Variants in CLSTN1 observed in about 807,000 individuals in gnomAD.
The protein encoded by CLSTN1 is calsyntenin 1.
A neutral mutation model predicts 108.3 loss-of-function variants in CLSTN1; 28 were observed. That is an observed-to-expected ratio of 0.26 (90% confidence interval 0.19 to 0.35). The LOEUF (loss-of-function observed/expected upper bound fraction) is 0.35. CLSTN1 is among the 10% of genes least tolerant of loss of function. The probability of loss-of-function intolerance (pLI) is 1.00; values close to 1 mark genes in which losing one functional copy is unlikely to be tolerated. For missense variants in CLSTN1, 1,157 were observed against 1,302.6 expected, an observed-to-expected ratio of 0.89 and a Z score of 1.72; for synonymous variants, 524 against 534.9, an observed-to-expected ratio of 0.98 and a Z score of 0.28.
intron 7 of CLSTN1, among the ~76,000 whole-genome samples, chr1:9,749,094 G>A (rs1396243146): frequency 6.6e-6 from 1 of 151,504 alleles, no homozygotes; most frequent in Admixed American, 6.6e-5. Flanking sequence ...TGTAGAGATG[G>A]GGTATCGCTG....
At chr1:9,797,547 G>A (rs544472388) in intron 1 of CLSTN1, among the ~76,000 whole-genome samples, 18 of 152,146 alleles carry the variant, frequency 1.2e-4, no homozygotes, top group East Asian at 5.8e-4. Context: ...AGGCTCAGGC[G>A]GGAGGATCAT....
intron 1 of CLSTN1, among the ~76,000 whole-genome samples, chr1:9,780,553 T>A (rs1653192844): frequency 6.6e-6 from 1 of 152,238 alleles, no homozygotes; most frequent in African/African-American, 2.4e-5. Flanking sequence ...AAATCGCTCT[T>A]AAGCTGGCAG....
chr1:9,734,114 G>T lies in CLSTN1; in HGVS notation c.2139C>A (p.Ile713=). ...TVQESLVSEE[I]VHDLDTCEVT... ...CCTCACAGGTATCCAGGTCGTGCAC[G>T]ATCTCCTCGGACACCAGTGATTCTT... The change falls in exon 15 of 19, where the codon ATC becomes ATA. Residue 713 remains isoleucine, a synonymous_variant. Coordinates refer to ENST00000377298, the MANE Select transcript of CLSTN1 (RefSeq NM_001009566.3). The surrounding 1 kb of genome is among the most constrained non-coding windows in gnomAD (Gnocchi z 4.8). 1 of 1,614,088 alleles carries T rather than the reference G, an allele frequency of 6.2e-7. No individual in the cohort carries two copies. Among genetic ancestry groups the T allele is most frequent in the Non-Finnish European group, 8.5e-7 (1 of 1,179,994 alleles).
chr1:9,791,097 G>A (rs1474597331), intron 1 of CLSTN1, among the ~76,000 whole-genome samples: 5 of 141,026 alleles, frequency 3.5e-5, no homozygotes, highest in African/African-American at 1.3e-4. Flanking sequence ...AGCCGAGATC[G>A]CACCACTGCA....
At chr1:9,785,920 A>T (rs914459299) in intron 1 of CLSTN1, among the ~76,000 whole-genome samples, 2 of 152,118 alleles carry the variant, frequency 1.3e-5, no homozygotes, top group Non-Finnish European at 2.9e-5. Flanking sequence ...TCATGCCTGT[A>T]ATCCCAGCAA....
At chr1:9,733,939 G>C (rs775306893) in intron 15 of CLSTN1, 33 bp downstream of exon 15, 6 of 1,583,452 alleles carry the variant, frequency 3.8e-6, no homozygotes, top group South Asian at 2.3e-5. Flanking sequence ...CTTGCAGCCT[G>C]GCCCACCTGC....
Position 9,751,747 on chromosome 1 carries a change from G to GT in CLSTN1, c.441-67dup, listed in dbSNP as rs1232330443. The GT allele has an allele frequency of 2.9e-6, 4 of 1,403,040 alleles. No individual in the cohort carries two copies. The East Asian group carries it at 9.2e-5, about 32-fold the overall frequency. The allele number at this position is 1,403,040 out of a possible 1,614,324, so 86.9% of individuals were successfully genotyped here. ...TCAGTGTGAGAGAGAGACAGAGAGT[G>GT]TGTATGTGTGTTTACCCAATTCTGC... On this transcript the variant is annotated intron_variant, in intron 4 of 18. Transcript: ENST00000377298.
At chr1:9,769,855 C>T (rs1340879573) in intron 2 of CLSTN1, among the ~76,000 whole-genome samples, 1 of 151,708 alleles carries the variant, frequency 6.6e-6, no homozygotes, top group Non-Finnish European at 1.5e-5. Flanking sequence ...ACGGTGAAAC[C>T]CCATCTCTAC....
intron 1 of CLSTN1, among the ~76,000 whole-genome samples, chr1:9,787,011 C>A (rs1653526890): frequency 6.6e-6 from 1 of 151,304 alleles, no homozygotes. Flanking sequence ...CCAGGAGAGT[C>A]CCAAGAACGA....
At chr1:9,809,707 C>G (rs1413135981) in intron 1 of CLSTN1, among the ~76,000 whole-genome samples, 1 of 151,870 alleles carries the variant, frequency 6.6e-6, no homozygotes, top group African/African-American at 2.4e-5. Flanking sequence ...TCGAGACCAA[C>G]CTGGCCAACA....
chr1:9,749,737 G>A, intron 6 of CLSTN1, 27 bp downstream of exon 6: 2 of 1,613,050 alleles, frequency 1.2e-6, no homozygotes, highest in Non-Finnish European at 1.7e-6. Context: ...GAGCAGATGT[G>A]AGCGCAGGGG....
chr1:9,732,498 A>C (rs1314961769), intron 16 of CLSTN1, among the ~76,000 whole-genome samples: 1 of 152,246 alleles, frequency 6.6e-6, no homozygotes, highest in Non-Finnish European at 1.5e-5. Context: ...GCCGTGTGAA[A>C]GACAGCACCA....
At position 9,744,755 on chromosome 1, in the gene CLSTN1, A is replaced by AC. The variant is rs968825333; in HGVS notation, c.986-113dup. On this transcript the variant is annotated intron_variant, in intron 7 of 18. Coordinates refer to ENST00000377298, the MANE Select transcript of CLSTN1 (RefSeq NM_001009566.3). ...TTAGGCAATCTGCTGGCTCCAGTTT[A>AC]CTTTTTTTTTTTCTTTCGAGACAGA... The AC allele has an allele frequency of 1.4e-5, 18 of 1,279,986 alleles. No homozygotes were observed. The East Asian group carries it at 2.1e-4, about 15-fold the overall frequency. 79.3% of individuals were successfully genotyped at this position (1,279,986 alleles called of 1,614,324 possible).
chr1:9,730,456 G>T lies in CLSTN1; in HGVS notation c.*52C>A. ...CGTGGACCCTTGGGACTGGGAGAAC[G>T]GATGGCAGCAGAGTCTTCGAAAGCA... On this transcript the variant is annotated 3_prime_UTR_variant, in exon 19 of 19. Coordinates refer to ENST00000377298, the MANE Select transcript of CLSTN1 (RefSeq NM_001009566.3). The surrounding 1 kb of genome is among the most constrained non-coding windows in gnomAD (Gnocchi z 5.6). 1 of 1,531,636 alleles carries T rather than the reference G, an allele frequency of 6.5e-7. No homozygotes were observed. The highest frequency in any genetic ancestry group is 8.9e-7 in the Non-Finnish European group (1 of 1,119,684). The allele number at this position is 1,531,636 out of a possible 1,614,324, so 94.9% of individuals were successfully genotyped here. A position where few individuals can be genotyped will look rare whatever the true frequency, so the allele number is the denominator to read the frequency against.
In CLSTN1 at chr1:9,781,268, G is replaced by T; in HGVS notation, c.92-7874C>A. On this transcript the variant is annotated intron_variant, in intron 1 of 18. Coordinates refer to ENST00000377298, the MANE Select transcript of CLSTN1 (RefSeq NM_001009566.3). The stretch of plus-strand genomic sequence containing the variant: ...TTCTGGGGAAATTCTGATGAGATAT[G>T]TCAAGCTCTGCAAGAGGATTTAAAG... The T allele has an allele frequency of 4.1e-6, 3 of 734,272 alleles. No homozygotes were observed. In the South Asian group the frequency reaches 4.7e-5, roughly 12 times the overall value. 45.5% of individuals were successfully genotyped at this position (734,272 alleles called of 1,614,324 possible).
intron 1 of CLSTN1, among the ~76,000 whole-genome samples, chr1:9,777,217 C>CAAA (rs1183664020): frequency 3.7e-4 from 19 of 51,120 alleles, no homozygotes; most frequent in African/African-American, 1.2e-3. Flanking sequence ...GAGACTGTCT[C>CAAA]AAAAAAAAAA....
intron 10 of CLSTN1, among the ~76,000 whole-genome samples, chr1:9,739,057 G>A (rs574791618): frequency 1.3e-5 from 2 of 152,326 alleles, no homozygotes; most frequent in East Asian, 1.9e-4. Flanking sequence ...TGACACAGCA[G>A]AGTCCAGTGC....
rs1460194913 is a variant in CLSTN1, at chr1:9,730,324, A to G, written c.*184T>C. On this transcript the variant is annotated 3_prime_UTR_variant, in exon 19 of 19. Transcript: ENST00000377298. This position sits in a 1 kb window ranked among gnomAD's most constrained non-coding sequence, Gnocchi z 5.6. The stretch of plus-strand genomic sequence containing the variant: ...GCTCCTCGTGGGACTGAAGAGCGCG[A>G]CCAGGCAGAGGGTGGGCGGGGAGCC... 1.1e-5 allele frequency: 7 copies of G among 658,554 alleles called. No homozygotes were observed. The Admixed American group carries it at 1.7e-4, about 16-fold the overall frequency. 40.8% of individuals were successfully genotyped at this position (658,554 alleles called of 1,614,324 possible).
At chr1:9,731,667 G>A (rs574112787) in intron 17 of CLSTN1, 94 bp downstream of exon 17, 53 of 1,267,612 alleles carry the variant, frequency 4.2e-5, no homozygotes, top group Non-Finnish European at 4.7e-5. Context: ...AAAGACCGGC[G>A]GTCATGCTGA....
Sources: gnomAD v4.1 joint callset for allele counts (sites outside exome capture counted in the v4.1 genomes callset) on GRCh38, gnomAD v4.1.1 for gene constraint, Gnocchi (gnomAD v3.1) non-coding constraint, MANE v1.5 for transcripts, NCBI Gene and HGNC (gene_info 2026-07-23, HGNC 2026-07-21) for gene names.